Variants in COL5A1 observed in about 807,000 individuals in gnomAD.
COL5A1 encodes collagen alpha-1(V) chain.
A neutral mutation model predicts 263.7 loss-of-function variants in COL5A1; 16 were observed. The ratio of observed to expected loss-of-function variants is 0.06; its 90% CI spans 0.04 to 0.09. The LOEUF (loss-of-function observed/expected upper bound fraction) is 0.09, where lower values mean the gene tolerates loss of function less well. Among genes scored for constraint, COL5A1 ranks in the 10% least tolerant of loss-of-function variants. The pLI is 1.00. For missense variants in COL5A1, 2,036 were observed against 2,540.5 expected (o/e 0.80, Z 4.27); for synonymous variants, 1,012 against 1,004.5 (o/e 1.01, Z -0.14).
chr9:134,763,757 G>A lies in COL5A1; in HGVS notation c.2034+20G>A. 1 of 1,611,280 alleles carries A rather than the reference G, an allele frequency of 6.2e-7. No individual in the cohort carries two copies. Among genetic ancestry groups the A allele is most frequent in the Non-Finnish European group, 8.5e-7 (1 of 1,177,792 alleles). On this transcript the variant is annotated intron_variant, in intron 20 of 65. Transcript: ENST00000371817. Reference sequence around the variant, plus strand: ...GAGCCCGTAAGTCTGTGAGCTGAGTGGGACGGTGGGGGCTCAGTGTGGAGA... The same window carrying A: ...GAGCCCGTAAGTCTGTGAGCTGAGTAGGACGGTGGGGGCTCAGTGTGGAGA...
At chr9:134,805,375 G>A (rs529675555) in intron 41 of COL5A1, among the ~76,000 whole-genome samples, 161 bp downstream of exon 41, 130 of 152,276 alleles carry the variant, frequency 8.5e-4, no homozygotes, top group Middle Eastern at 3.4e-3. Context: ...TGCGGACGGC[G>A]CATCCCAAGC....
intron 64 of COL5A1, among the ~76,000 whole-genome samples, chr9:134,833,636 C>T (rs548212966): frequency 2.0e-5 from 3 of 152,258 alleles, no homozygotes; most frequent in South Asian, 2.1e-4. Context: ...GGAGGATCCC[C>T]GGTCACCCCA....
At position 134,824,605 on chromosome 9, in the gene COL5A1, C is replaced by T. The variant is rs745536617; in HGVS notation, c.4704C>T (p.Pro1568=). 6.2e-7 allele frequency: 1 copy of T among 1,614,072 alleles called. No individual in the cohort carries two copies. The highest frequency in any genetic ancestry group is 1.1e-5 in the South Asian group (1 of 91,074). The change falls in exon 62 of 66, where the codon CCC becomes CCT. Residue 1568 remains proline (P), a synonymous_variant. Transcript: ENST00000371817. ...GHPGPPGPPG[P]PGEVIQPLPI... is the part of the protein sequence containing the mutation. ...GCTCCTGTTCTGTCCCCCAGGGCCC[C>T]CCGGGAGAGGTCATCCAGCCCCTGC...
chr9:134,786,975 G>A (rs750785507), intron 31 of COL5A1, among the ~76,000 whole-genome samples: 2 of 152,212 alleles, frequency 1.3e-5, no homozygotes. Context: ...TGTGGAATGC[G>A]AAGCCCCCTG....
At chr9:134,654,736 GGGTGTGTGTAGGGCT>G (rs1831874945) in intron 1 of COL5A1, among the ~76,000 whole-genome samples, 1 of 143,624 alleles carries the variant, frequency 7.0e-6, no homozygotes, top group Admixed American at 6.9e-5. Context: ...TGTAGGGCTG[GGGTGTGTGTAGGGCT>G]GGTGTGTGTA....
chr9:134,685,082 A>AT (rs1832977658), intron 1 of COL5A1, among the ~76,000 whole-genome samples: 1 of 98,382 alleles, frequency 1.0e-5, no homozygotes, highest in Non-Finnish European at 2.2e-5. Flanking sequence ...CCATCCATCC[A>AT]CCCACCATCC....
chr9:134,767,174 T>A, intron 23 of COL5A1, 121 bp downstream of exon 23: 1 of 1,414,916 alleles, frequency 7.1e-7, no homozygotes, highest in South Asian at 1.2e-5. Context: ...CCCCTCCCCT[T>A]ATCTGGAGGG....
In COL5A1 at chr9:134,742,982, C is replaced by G. The variant is rs528687304; in HGVS notation, c.1494+4174C>G. ...TTCCAGGGCCCACACCTGCTAGCCT[C>G]GATAGAAACACCCGGAAGGCAGGCG... On this transcript the variant is annotated intron_variant, in intron 11 of 65. Transcript: ENST00000371817. The surrounding 1 kb of genome is among the most constrained non-coding windows in gnomAD (Gnocchi z 4.6). Among the ~76,000 whole-genome samples, 3 of 152,178 alleles carry G rather than the reference C, an allele frequency of 2.0e-5. No individual in the cohort carries two copies. The highest frequency in any genetic ancestry group is 2.0e-4 in the Admixed American group (3 of 15,286).
intron 19 of COL5A1, 30 bp downstream of exon 19, chr9:134,762,008 C>T: frequency 6.2e-7 from 1 of 1,607,694 alleles, no homozygotes; most frequent in Non-Finnish European, 8.5e-7. Context: ...TCCGACTGCT[C>T]CTGCCTGCCC....
At chr9:134,709,127 G>T in intron 4 of COL5A1, 11 of 363,484 alleles carry the variant, frequency 3.0e-5, no homozygotes, top group South Asian at 2.3e-4. Flanking sequence ...TGGGAGTTCC[G>T]ACCTGGACCC....
In COL5A1 at chr9:134,652,783, A is replaced by G. The variant is rs1026156508; in HGVS notation, c.109+10487A>G. The G allele has an allele frequency of 1.5e-5, 7 of 469,738 alleles. No homozygotes were observed. The highest frequency in any genetic ancestry group is 9.4e-5 in the Admixed American group (4 of 42,496). 29.1% of individuals were successfully genotyped at this position (469,738 alleles called of 1,614,324 possible). A position where few individuals can be genotyped will look rare whatever the true frequency, so the allele number is the denominator to read the frequency against. ...TAGGCCGGGTCCAGCGTTTCTCCTCATGGTGTAGACCAGCAGTTCCCAAAC... is the reference window on the plus strand; with the variant it reads ...TAGGCCGGGTCCAGCGTTTCTCCTCGTGGTGTAGACCAGCAGTTCCCAAAC... On this transcript the variant is annotated intron_variant, in intron 1 of 65. Coordinates refer to ENST00000371817, the MANE Select transcript of COL5A1 (RefSeq NM_000093.5). This position sits in a 1 kb window ranked among gnomAD's most constrained non-coding sequence, Gnocchi z 4.4.
At chr9:134,815,226 G>C (rs1372403481) in intron 50 of COL5A1, among the ~76,000 whole-genome samples, 1 of 152,258 alleles carries the variant, frequency 6.6e-6, no homozygotes, top group Non-Finnish European at 1.5e-5. Context: ...TGCATCAGGA[G>C]GGGCTTCGGA....
chr9:134,695,105 C>T (rs368002224), intron 2 of COL5A1, among the ~76,000 whole-genome samples: 20 of 152,180 alleles, frequency 1.3e-4, no homozygotes, highest in African/African-American at 4.1e-4. Flanking sequence ...TCCTCCTCCT[C>T]GGCTCTGGTG....
In COL5A1 at chr9:134,806,289, G is replaced by A. The variant is rs1406341189; in HGVS notation, c.3359G>A (p.Gly1120Glu). ...CCCCCAGGGCCGGCAGGAGAGAAAG[G>A]GGCTCCTGTAAGTACTGCCTTGGAT... ...QGPPGPAGEKGAPGEKGPQGP... is the reference protein window; with the variant it reads ...QGPPGPAGEKEAPGEKGPQGP... Residue 1120 changes from glycine to glutamate, a missense_variant, in exon 42 of 66, where the codon GGG becomes GAG. Physicochemically the swap from Gly to Glu is moderately conservative, Grantham distance 98. Coordinates refer to ENST00000371817, the MANE Select transcript of COL5A1 (RefSeq NM_000093.5). 1 of 1,547,236 alleles carries A rather than the reference G, an allele frequency of 6.5e-7. No individual in the cohort carries two copies. The highest frequency in any genetic ancestry group is 8.7e-7 in the Non-Finnish European group (1 of 1,145,412).
intron 64 of COL5A1, 38 bp from the exon 65 acceptor site, chr9:134,834,933 C>A: frequency 6.9e-7 from 1 of 1,451,514 alleles, no homozygotes; most frequent in Non-Finnish European, 9.6e-7. Context: ...CTGTGTGTGT[C>A]CCCACCCTGC....
chr9:134,703,793 A>G (rs1034743471), intron 4 of COL5A1, among the ~76,000 whole-genome samples: 1 of 150,978 alleles, frequency 6.6e-6, no homozygotes, highest in Non-Finnish European at 1.5e-5. Flanking sequence ...GCCCGCCACC[A>G]CACCCAGCTA....
intron 59 of COL5A1, among the ~76,000 whole-genome samples, chr9:134,822,714 C>T (rs973951589): frequency 5.3e-5 from 6 of 112,608 alleles, no homozygotes; most frequent in Non-Finnish European, 7.3e-5. Flanking sequence ...TGCTCTTTTC[C>T]GCTGCGCCCC....
chr9:134,669,313 T>TCCCC lies in COL5A1; in HGVS notation c.110-21599_110-21598insCCCC, dbSNP rs1453145372. ...TTCCCTCCCCTCCCCTCCCCTCCCCTTCCCTTCTCCTTCCTTCCTTCCTTC... is the reference window on the plus strand; with the variant it reads ...TTCCCTCCCCTCCCCTCCCCTCCCCTCCCCTCCCTTCTCCTTCCTTCCTTCCTTC... On this transcript the variant is annotated intron_variant, in intron 1 of 65. Transcript: ENST00000371817. Among the ~76,000 whole-genome samples the TCCCC allele has an allele frequency of 1.7e-4, 17 of 99,032 alleles. No homozygotes were observed. In the South Asian group the frequency reaches 4.4e-3, roughly 26 times the overall value. 65.0% of individuals were successfully genotyped at this position (99,032 alleles called of 152,430 possible).
At chr9:134,815,439 G>C (rs369582919) in intron 50 of COL5A1, 137 bp from the exon 51 acceptor site, 31 of 868,194 alleles carry the variant, frequency 3.6e-5, no homozygotes, top group Non-Finnish European at 5.4e-5. Flanking sequence ...AAGTGCACTG[G>C]GTTGTCGGAA....
Sources: gnomAD v4.1 joint callset for allele counts (sites outside exome capture counted in the v4.1 genomes callset) on GRCh38, gnomAD v4.1.1 for gene constraint, Gnocchi (gnomAD v3.1) non-coding constraint, MANE v1.5 for transcripts, NCBI Gene and HGNC (gene_info 2026-07-23, HGNC 2026-07-21) for gene names.